ARHGEF10L: variants seen among roughly 807,000 people sequenced by gnomAD.
ARHGEF10L encodes rho guanine nucleotide exchange factor 10-like protein.
ARHGEF10L carries 69 observed loss-of-function variants against 141.2 expected under a neutral mutation model. That is an observed-to-expected ratio of 0.49 (90% confidence interval 0.40 to 0.60). The LOEUF (loss-of-function observed/expected upper bound fraction) is 0.60. Among genes scored for constraint, ARHGEF10L ranks in the 20% least tolerant of loss-of-function variants. ARHGEF10L has a pLI of 0.00. For synonymous variants in ARHGEF10L, 711 were observed against 718.5 expected, an observed-to-expected ratio of 0.99 and a Z score of 0.17; for missense variants, 1,482 against 1,734.3, an observed-to-expected ratio of 0.85 and a Z score of 2.58.
At chr1:17,689,757 T>C (rs2064955711) in intron 27 of ARHGEF10L, 1 of 455,242 alleles carries the variant, frequency 2.2e-6, no homozygotes, top group South Asian at 1.6e-5. Context: ...TTCAAGTTAG[T>C]GGAACAATGA....
the ARHGEF10L span, among the ~76,000 whole-genome samples, chr1:17,525,635 G>A: frequency 2.6e-5 from 4 of 151,998 alleles, no homozygotes; most frequent in Non-Finnish European, 5.9e-5. Flanking sequence ...CTCCAGCCTG[G>A]GCAACAGAGC....
intron 2 of ARHGEF10L, among the ~76,000 whole-genome samples, chr1:17,586,455 A>G (rs2079032101): frequency 6.6e-6 from 1 of 152,212 alleles, no homozygotes; most frequent in African/African-American, 2.4e-5. Flanking sequence ...AATGGTTTGC[A>G]TAAGGTAGGG....
chr1:17,659,000 G>T (rs1389028311), intron 25 of ARHGEF10L, among the ~76,000 whole-genome samples: 1 of 152,146 alleles, frequency 6.6e-6, no homozygotes, highest in African/African-American at 2.4e-5. Flanking sequence ...AAGCCATTTT[G>T]CTGGACAGCT....
chr1:17,561,580 C>T (rs887597813), intron 1 of ARHGEF10L, among the ~76,000 whole-genome samples: 22 of 152,318 alleles, frequency 1.4e-4, no homozygotes, highest in African/African-American at 5.1e-4. Context: ...GGTGGCAGAG[C>T]CAGGCTGACC....
Position 17,613,147 on chromosome 1 carries a change from G to C in ARHGEF10L, c.699G>C (p.Gln233His). ...TGAGAGTTGGGGGGAGAGACATGCAGGAGCTGAAGCACAAGTACGATTGTA... is the reference window on the plus strand; with the variant it reads ...TGAGAGTTGGGGGGAGAGACATGCACGAGCTGAAGCACAAGTACGATTGTA... ...LALRVGGRDM[Q>H]ELKHKYDCKM... Residue 233 changes from glutamine (Q) to histidine (H), a missense_variant, in exon 8 of 29, where the codon CAG becomes CAC. By Grantham distance (24) the Gln-to-His change is conservative. Coordinates refer to ENST00000361221, the MANE Select transcript of ARHGEF10L (RefSeq NM_018125.4). 6.2e-7 allele frequency: 1 copy of C among 1,613,872 alleles called. No homozygotes were observed. The highest frequency in any genetic ancestry group is 8.5e-7 in the Non-Finnish European group (1 of 1,179,850).
upstream of ARHGEF10L, among the ~76,000 whole-genome samples, chr1:17,539,401 G>A (rs1263420935): frequency 2.0e-5 from 3 of 152,192 alleles, no homozygotes; most frequent in East Asian, 5.8e-4. The surrounding 1 kb of genome is among the most constrained non-coding windows in gnomAD (Gnocchi z 6.0). Context: ...GGAGAACCGG[G>A]GAAGGAGAAC....
chr1:17,587,662 A>T lies in ARHGEF10L; in HGVS notation c.223+17A>T, dbSNP rs895573754. 3.1e-6 allele frequency: 5 copies of T among 1,598,520 alleles called. No individual in the cohort carries two copies. Among genetic ancestry groups the T allele is most frequent in the Non-Finnish European group, 4.3e-6 (5 of 1,171,040 alleles). On this transcript the variant is annotated intron_variant, in intron 3 of 28. Transcript: ENST00000361221. ...CTGTCACTGGTAAGATGTTTCTGGGAACTTCCGGTCCTGGGGCTACAGGGA... is the reference window on the plus strand; with the variant it reads ...CTGTCACTGGTAAGATGTTTCTGGGTACTTCCGGTCCTGGGGCTACAGGGA...
rs763761267 is a variant in ARHGEF10L at position 17,619,430 on chromosome 1, C to T, written c.927C>T (p.Gly309=). The T allele has an allele frequency of 1.9e-6, 3 of 1,609,008 alleles. No homozygotes were observed. The highest frequency in any genetic ancestry group is 2.5e-6 in the Non-Finnish European group (3 of 1,178,326). Residue 309 remains glycine, a synonymous_variant, in exon 10 of 29, where the codon GGC becomes GGT. Transcript: ENST00000361221. This position sits in a 1 kb window ranked among gnomAD's most constrained non-coding sequence, Gnocchi z 5.0. ...CAGAGCTGGGCCCCATGCCAGAGGG[C>T]CTGAGCCCTCAGCAGGTCTGTGGGG... ...PAPELGPMPE[G]LSPQQVVRRH...
At chr1:17,635,654 C>T (rs1366639024) in intron 18 of ARHGEF10L, among the ~76,000 whole-genome samples, 1 of 152,204 alleles carries the variant, frequency 6.6e-6, no homozygotes, top group Non-Finnish European at 1.5e-5. Flanking sequence ...TCATGCTGGG[C>T]CAGGTCGCCC....
At position 17,607,303 on chromosome 1, in the gene ARHGEF10L, C is replaced by T. The variant is rs192390967; in HGVS notation, c.434-499C>T. The stretch of plus-strand genomic sequence containing the variant: ...CAGCCTGGGCAACATAACAAGACTC[C>T]GTCTCTACAAAAAATTAAAAAATTA... On this transcript the variant is annotated intron_variant, in intron 6 of 28. Coordinates refer to ENST00000361221, the MANE Select transcript of ARHGEF10L (RefSeq NM_018125.4). This position sits in a 1 kb window ranked among gnomAD's most constrained non-coding sequence, Gnocchi z 4.5. Among the ~76,000 whole-genome samples the T allele has an allele frequency of 2.9e-4, 44 of 152,178 alleles. No individual in the cohort carries two copies. The East Asian group carries it at 8.1e-3, about 28-fold the overall frequency.
At chr1:17,545,285 G>C (rs2076879350) in intron 1 of ARHGEF10L, among the ~76,000 whole-genome samples, 1 of 152,150 alleles carries the variant, frequency 6.6e-6, no homozygotes, top group Non-Finnish European at 1.5e-5. Context: ...ACACCACTGG[G>C]AATCCAGCAA....
chr1:17,554,367 C>T (rs1040337867), intron 1 of ARHGEF10L, among the ~76,000 whole-genome samples: 11 of 152,102 alleles, frequency 7.2e-5, no homozygotes, highest in South Asian at 4.2e-4. Context: ...AGAGAGGATG[C>T]GGCTGGCAGG....
intron 21 of ARHGEF10L, among the ~76,000 whole-genome samples, chr1:17,646,782 G>T (rs543426252): frequency 6.6e-6 from 1 of 152,078 alleles, no homozygotes; most frequent in African/African-American, 2.4e-5. Context: ...TCCGGACAGC[G>T]GGAACCTCTG....
the ARHGEF10L span, among the ~76,000 whole-genome samples, chr1:17,533,882 C>T: frequency 1.3e-5 from 2 of 152,148 alleles, no homozygotes; most frequent in Non-Finnish European, 2.9e-5. Flanking sequence ...GCTGGCTGGG[C>T]ACTCTCCATT....
chr1:17,541,611 A>G (rs1045395660), intron 1 of ARHGEF10L, among the ~76,000 whole-genome samples: 1 of 152,062 alleles, frequency 6.6e-6, no homozygotes, highest in Non-Finnish European at 1.5e-5. Context: ...TGGGTGGATC[A>G]CTTGAGGTCA....
rs548436077 is a variant in ARHGEF10L at position 17,573,833 on chromosome 1, C to T, written c.-43-6720C>T. Reference sequence around the variant, plus strand: ...CCAGGGGCTCCCTAGGAGGTCAGTGCGGGAGGGTGGGTGCCACCGACTCTG... The same window carrying T: ...CCAGGGGCTCCCTAGGAGGTCAGTGTGGGAGGGTGGGTGCCACCGACTCTG... On this transcript the variant is annotated intron_variant, in intron 1 of 28. Coordinates refer to ENST00000361221, the MANE Select transcript of ARHGEF10L (RefSeq NM_018125.4). The surrounding 1 kb of genome is among the most constrained non-coding windows in gnomAD (Gnocchi z 4.8). Among the ~76,000 whole-genome samples the T allele has an allele frequency of 2.6e-5, 4 of 151,234 alleles. No individual in the cohort carries two copies. The highest frequency in any genetic ancestry group is 2.1e-4 in the South Asian group (1 of 4,744).
chr1:17,584,693 G>A (rs1421767878), intron 2 of ARHGEF10L, among the ~76,000 whole-genome samples: 1 of 152,210 alleles, frequency 6.6e-6, no homozygotes, highest in Non-Finnish European at 1.5e-5. Context: ...AGCAGGAGAA[G>A]ATACTCGAAG....
At chr1:17,591,432 A>G (rs1469419161) in intron 4 of ARHGEF10L, among the ~76,000 whole-genome samples, 16 of 128,086 alleles carry the variant, frequency 1.2e-4, no homozygotes, top group Admixed American at 2.5e-4. Flanking sequence ...TTTTTTTCTG[A>G]GACAGTTTTG....
chr1:17,565,556 C>T (rs567128123), intron 1 of ARHGEF10L, among the ~76,000 whole-genome samples: 2 of 152,334 alleles, frequency 1.3e-5, no homozygotes, highest in South Asian at 2.1e-4. Flanking sequence ...CCAGGTCTCC[C>T]GAAGGGAAGC....
Sources: gnomAD v4.1 joint callset for allele counts (sites outside exome capture counted in the v4.1 genomes callset) on GRCh38, gnomAD v4.1.1 for gene constraint, Gnocchi (gnomAD v3.1) non-coding constraint, MANE v1.5 for transcripts, NCBI Gene and HGNC (gene_info 2026-07-23, HGNC 2026-07-21) for gene names.